NUAK1: variants seen among roughly 807,000 people sequenced by gnomAD.
NUAK1 encodes the protein NUAK family kinase 1, also known as NUAK family SNF1-like kinase 1.
A neutral mutation model predicts 56.9 loss-of-function variants in NUAK1; 26 were observed. That is an observed-to-expected ratio of 0.46 (90% CI 0.33 to 0.63). NUAK1 has a LOEUF of 0.63. NUAK1 is among the 30% of genes least tolerant of loss of function. The probability of loss-of-function intolerance (pLI) is 0.02; values close to 1 mark genes in which losing one functional copy is unlikely to be tolerated. For missense variants in NUAK1, 727 were observed against 876.1 expected (o/e 0.83, Z 2.15); for synonymous variants, 337 against 336.0 (o/e 1.00, Z -0.03).
intron 4 of NUAK1, among the ~76,000 whole-genome samples, chr12:106,075,237 C>T (rs1382313938): frequency 6.7e-6 from 1 of 149,636 alleles, no homozygotes; most frequent in Non-Finnish European, 1.5e-5. Context: ...TAATAGAAAT[C>T]TAGATTAGCC....
chr12:106,087,287 C>T (rs1354817611), intron 2 of NUAK1, among the ~76,000 whole-genome samples: 3 of 152,224 alleles, frequency 2.0e-5, no homozygotes, highest in Non-Finnish European at 2.9e-5. Flanking sequence ...GACAGAGCTA[C>T]TCTGACCCCA....
chr12:106,078,102 A>T (rs1010049624), intron 4 of NUAK1, among the ~76,000 whole-genome samples: 1 of 152,262 alleles, frequency 6.6e-6, no homozygotes, highest in Non-Finnish European at 1.5e-5. Flanking sequence ...GTGGTGGCTC[A>T]TGCCTGCAAT....
Position 106,138,818 on chromosome 12 carries a change from G to A in NUAK1, c.-165C>T, listed in dbSNP as rs1017096527. ...CTGCGGCTCGGTCACTGGCGGCGGCGGGGACTGCACATCTGGCGCCCGCGG... is the reference window on the plus strand; with the variant it reads ...CTGCGGCTCGGTCACTGGCGGCGGCAGGGACTGCACATCTGGCGCCCGCGG... On this transcript the variant is annotated 5_prime_UTR_variant, in exon 1 of 7. Coordinates refer to ENST00000261402, the MANE Select transcript of NUAK1 (RefSeq NM_014840.3). This position sits in a 1 kb window ranked among gnomAD's most constrained non-coding sequence, Gnocchi z 5.0. 36 of 981,814 alleles carry A rather than the reference G, an allele frequency of 3.7e-5. No homozygotes were observed. Among genetic ancestry groups the A allele is most frequent in the Middle Eastern group, 3.5e-4 (1 of 2,862 alleles). The allele number at this position is 981,814 out of a possible 1,614,324, so 60.8% of individuals were successfully genotyped here. A position where few individuals can be genotyped will look rare whatever the true frequency, so the allele number is the denominator to read the frequency against.
rs145864466 is a variant in NUAK1, at chr12:106,094,783, C to A, written c.362-7898G>T. The stretch of plus-strand genomic sequence containing the variant: ...AAATGGTAAGAAAGTGTAGAAGCCA[C>A]CTGCAGAAGAGGGGATGCAGAAGCC... On this transcript the variant is annotated intron_variant, in intron 2 of 6. Coordinates refer to ENST00000261402, the MANE Select transcript of NUAK1 (RefSeq NM_014840.3). 1.9e-4 allele frequency among the ~76,000 whole-genome samples: 29 copies of A among 152,340 alleles called. No individual in the cohort carries two copies. The East Asian group carries it at 5.4e-3, about 28-fold the overall frequency.
Position 106,066,565 on chromosome 12 carries a change from C to A in NUAK1, c.*237G>T. 1.8e-6 allele frequency: 1 copy of A among 560,794 alleles called. No individual in the cohort carries two copies. The highest frequency in any genetic ancestry group is 3.2e-6 in the Non-Finnish European group (1 of 313,264). 34.7% of individuals were successfully genotyped at this position (560,794 alleles called of 1,614,324 possible). On this transcript the variant is annotated 3_prime_UTR_variant, in exon 7 of 7. Coordinates refer to ENST00000261402, the MANE Select transcript of NUAK1 (RefSeq NM_014840.3). ...GGACAGCTGGTCCTCTAGGAGGTGC[C>A]ATAAAGCAAATGCCAAACAGGGCCC...
chr12:106,094,391 G>C (rs2032671868), intron 2 of NUAK1, among the ~76,000 whole-genome samples: 1 of 152,150 alleles, frequency 6.6e-6, no homozygotes, highest in Admixed American at 6.5e-5. Context: ...TCTTTTCTTT[G>C]AAAGACTGTC....
intron 3 of NUAK1, among the ~76,000 whole-genome samples, chr12:106,086,289 A>G (rs574048169): frequency 2.6e-4 from 39 of 152,336 alleles, no homozygotes; most frequent in African/African-American, 9.1e-4. Context: ...AGCATGACAC[A>G]AACGATGTAA....
chr12:106,067,275 TG>T lies in NUAK1; in HGVS notation c.1512del (p.Ser505AlafsTer8), dbSNP rs767424217. ...NDVMGSSIPS[P>X]SPPDPARVTS... is the part of the protein sequence containing the mutation. ...GTTACCCTGGCTGGGTCCGGGGGGC[TG>T]GGGGAGGGGATGCTGCTGCCCATCA... is the stretch of plus-strand genomic sequence containing the variant. On this transcript the variant is annotated frameshift_variant, in exon 7 of 7. Transcript: ENST00000261402. LOFTEE classifies it high-confidence loss of function. This position sits in a 1 kb window ranked among gnomAD's most constrained non-coding sequence, Gnocchi z 6.0. 3.7e-6 allele frequency: 6 copies of T among 1,613,968 alleles called. No individual in the cohort carries two copies. Among genetic ancestry groups the T allele is most frequent in the Non-Finnish European group, 3.4e-6 (4 of 1,179,970 alleles).
chr12:106,128,162 C>G (rs1433538014), intron 1 of NUAK1, among the ~76,000 whole-genome samples: 1 of 143,844 alleles, frequency 7.0e-6, no homozygotes, highest in Non-Finnish European at 1.5e-5. Flanking sequence ...CACAGAGACT[C>G]GTTCTGTTGC....
rs750699063 is a variant in NUAK1 at position 106,067,487 on chromosome 12, T to C, written c.1301A>G (p.Asp434Gly). The C allele has an allele frequency of 2.5e-6, 4 of 1,614,120 alleles. No homozygotes were observed. The highest frequency in any genetic ancestry group is 2.2e-5 in the South Asian group (2 of 91,060). The change falls in exon 7 of 7, where the codon GAC becomes GGC. Residue 434 changes from aspartate (D) to glycine (G), a missense_variant. Coordinates refer to ENST00000261402, the MANE Select transcript of NUAK1 (RefSeq NM_014840.3). This position sits in a 1 kb window ranked among gnomAD's most constrained non-coding sequence, Gnocchi z 6.0. Reference sequence around the variant, plus strand: ...GAGGAGCACGCCAGTCCTGCACAAGTCCTGCTCCATCTTGAAAGTAGAGGG... The same window carrying C: ...GAGGAGCACGCCAGTCCTGCACAAGCCCTGCTCCATCTTGAAAGTAGAGGG... ...ALPSTFKMEQ[D>G]LCRTGVLLPS...
chr12:106,123,799 G>A (rs1395731728), intron 1 of NUAK1, among the ~76,000 whole-genome samples: 1 of 152,176 alleles, frequency 6.6e-6, no homozygotes, highest in African/African-American at 2.4e-5. Context: ...CTGCCAAAGA[G>A]ATCTCTTTCC....
Position 106,080,514 on chromosome 12 carries a change from C to G in NUAK1, c.579+3350G>C, listed in dbSNP as rs2032505749. On this transcript the variant is annotated intron_variant, in intron 4 of 6. Transcript: ENST00000261402. ...CCAGAGTACGGAATGCAGCCCAAAG[C>G]AGCACATTGCTCTCATTCTTTCTGC... is the stretch of plus-strand genomic sequence containing the variant. Among the ~76,000 whole-genome samples the G allele has an allele frequency of 1.3e-5, 2 of 152,236 alleles. 1 individual carries two copies. Among genetic ancestry groups the G allele is most frequent in the South Asian group, 4.1e-4 (2 of 4,834 alleles).
Position 106,065,798 on chromosome 12 carries a change from A to G in NUAK1, c.*1004T>C, listed in dbSNP as rs558612761. On this transcript the variant is annotated 3_prime_UTR_variant, in exon 7 of 7. Transcript: ENST00000261402. ...AGCATTCCAGTTAATATTGAGAAAG[A>G]AAGTGACAAGTTGCCTCTTGTTGGT... 3 of 152,810 alleles carry G rather than the reference A, an allele frequency of 2.0e-5. No homozygotes were observed. Among genetic ancestry groups the G allele is most frequent in the Non-Finnish European group, 2.9e-5 (2 of 68,048 alleles). 9.5% of individuals were successfully genotyped at this position (152,810 alleles called of 1,614,324 possible). A position where few individuals can be genotyped will look rare whatever the true frequency, so the allele number is the denominator to read the frequency against.
intron 4 of NUAK1, among the ~76,000 whole-genome samples, chr12:106,081,713 A>C (rs1360298988): frequency 6.6e-6 from 1 of 152,210 alleles, no homozygotes; most frequent in Non-Finnish European, 1.5e-5. Context: ...GAATTACATG[A>C]TTTCATAGAA....
intron 3 of NUAK1, 72 bp from the exon 4 acceptor site, chr12:106,084,001 G>T (rs965855406): frequency 6.9e-6 from 9 of 1,295,304 alleles, no homozygotes; most frequent in Non-Finnish European, 1.0e-5. Context: ...AGAGGAAGGA[G>T]GAGGGTGAGC....
intron 4 of NUAK1, 22 bp from the exon 5 acceptor site, chr12:106,072,865 A>G (rs200355138): frequency 8.9e-5 from 144 of 1,613,290 alleles, no homozygotes; most frequent in Non-Finnish European, 1.1e-4. Flanking sequence ...AGCAAGACCC[A>G]GGGAGACTTG....
intron 1 of NUAK1, among the ~76,000 whole-genome samples, chr12:106,130,024 C>A (rs957755043): frequency 6.6e-6 from 1 of 152,114 alleles, no homozygotes; most frequent in Non-Finnish European, 1.5e-5. Flanking sequence ...CTCCGTCACC[C>A]AGACTGGAGT....
At chr12:106,113,633 C>T (rs1210900981) in intron 1 of NUAK1, among the ~76,000 whole-genome samples, 2 of 150,342 alleles carry the variant, frequency 1.3e-5, no homozygotes, top group Non-Finnish European at 3.0e-5. Context: ...GCCCTGACGA[C>T]ACCTATTGTT....
At chr12:106,113,569 A>C (rs2032886653) in intron 1 of NUAK1, among the ~76,000 whole-genome samples, 1 of 151,692 alleles carries the variant, frequency 6.6e-6, no homozygotes. Flanking sequence ...CTCCCAGGTG[A>C]TTCTGCTGCA....
Sources: allele counts gnomAD v4.1 joint callset (sites outside exome capture counted in the v4.1 genomes callset), GRCh38; gene constraint gnomAD v4.1.1; non-coding constraint Gnocchi (gnomAD v3.1); transcripts MANE v1.5; gene names NCBI Gene and HGNC (gene_info 2026-07-23, HGNC 2026-07-21).